The following SLC17A1 variants were observed in gnomAD, a reference collection of about 807,000 sequenced individuals.
SLC17A1 encodes the protein solute carrier family 17 member 1.
SLC17A1 carries 51 observed loss-of-function variants against 53.5 expected under a neutral mutation model. The observed-to-expected ratio is 0.95, with a 90% CI of 0.76 to 1.20. The LOEUF (loss-of-function observed/expected upper bound fraction) is 1.20, where lower values mean the gene tolerates loss of function less well. Among genes scored for constraint, SLC17A1 ranks in the 50% most tolerant of loss-of-function variants. The pLI, the probability that SLC17A1 is intolerant of heterozygous loss-of-function variation, is 0.00. For missense variants in SLC17A1, 538 were observed against 568.2 expected, an observed-to-expected ratio of 0.95 and a Z score of 0.54; for synonymous variants, 179 against 198.8, an observed-to-expected ratio of 0.90 and a Z score of 0.84.
rs145050779 is a variant in SLC17A1, at chr6:25,813,560, GTTGTT to G, written c.617-352_617-348del. 6.8e-3 allele frequency among the ~76,000 whole-genome samples: 1,032 copies of G among 152,262 alleles called. 10 individuals are homozygous for G. The highest frequency in any genetic ancestry group is 0.012 in the Non-Finnish European group (808 of 68,018). On this transcript the variant is annotated intron_variant, in intron 6 of 12. Transcript: ENST00000244527. ...CTGCACAGGGCTTGACAATTGCCCA[GTTGTT>G]TTGTTTTGTTTTGTTTTTAATGTTT...
intron 10 of SLC17A1, among the ~76,000 whole-genome samples, chr6:25,801,579 G>A (rs145935309): frequency 6.6e-6 from 1 of 152,328 alleles, no homozygotes; most frequent in East Asian, 1.9e-4. Context: ...CAGAATCAGT[G>A]TCTAATCAAG....
At chr6:25,770,946 A>G in the SLC17A1 span, 9 of 1,613,824 alleles carry the variant, frequency 5.6e-6, no homozygotes, top group Middle Eastern at 3.3e-4. Flanking sequence ...GGGGTCCTTC[A>G]TTGTTCTACT....
At chr6:25,730,882 T>C in the SLC17A1 span, among the ~76,000 whole-genome samples, 41 of 152,262 alleles carry the variant, frequency 2.7e-4, no homozygotes, top group South Asian at 7.3e-3. Flanking sequence ...GCGGTGGAGA[T>C]GGTGTATAAT....
intron 6 of SLC17A1, among the ~76,000 whole-genome samples, chr6:25,816,939 C>A (rs898406987): frequency 1.3e-5 from 2 of 151,514 alleles, no homozygotes; most frequent in Admixed American, 1.3e-4. Flanking sequence ...ACTCTGCCTC[C>A]CGGATTCAAG....
At chr6:25,826,062 G>C (rs1484032084) in intron 3 of SLC17A1, among the ~76,000 whole-genome samples, 1 of 151,952 alleles carries the variant, frequency 6.6e-6, no homozygotes, top group Non-Finnish European at 1.5e-5. Context: ...TCTTCTGGTA[G>C]ATAACAACTG....
At chr6:25,770,043 A>T in the SLC17A1 span, 14 of 1,603,598 alleles carry the variant, frequency 8.7e-6, no homozygotes, top group Middle Eastern at 1.7e-4. Flanking sequence ...CTAAAGACAA[A>T]CAGTAACTCT....
the SLC17A1 span, chr6:25,732,137 G>A: frequency 3.6e-6 from 2 of 554,004 alleles, no homozygotes; most frequent in East Asian, 4.5e-5. Context: ...GGAAATGGTA[G>A]TGCCCTTTGA....
chr6:25,828,099 T>C (rs1295494680), intron 2 of SLC17A1, among the ~76,000 whole-genome samples: 1 of 152,154 alleles, frequency 6.6e-6, no homozygotes, highest in Non-Finnish European at 1.5e-5. Context: ...CCTAACACTT[T>C]TACCACGTAA....
downstream of SLC17A1, chr6:25,782,772 G>C (rs1763293490): frequency 6.6e-6 from 1 of 152,128 alleles, no homozygotes; most frequent in Admixed American, 6.6e-5. Context: ...ACCAGCGAGG[G>C]AGCTGACTTG....
chr6:25,741,319 C>T, the SLC17A1 span, among the ~76,000 whole-genome samples: 25 of 150,550 alleles, frequency 1.7e-4, no homozygotes, highest in Admixed American at 1.1e-3. Context: ...CCTGTAATCC[C>T]AGCACTTTGG....
At chr6:25,825,640 A>G (rs1048586998) in intron 3 of SLC17A1, among the ~76,000 whole-genome samples, 1 of 151,512 alleles carries the variant, frequency 6.6e-6, no homozygotes, top group African/African-American at 2.4e-5. Flanking sequence ...TGTTTTTGCT[A>G]TTTATCTTGT....
chr6:25,739,887 CA>C, the SLC17A1 span, among the ~76,000 whole-genome samples: 1 of 151,276 alleles, frequency 6.6e-6, no homozygotes. Flanking sequence ...GATGGTTACA[CA>C]AATCTACACA....
chr6:25,759,776 GT>G, the SLC17A1 span, among the ~76,000 whole-genome samples: 1 of 150,450 alleles, frequency 6.6e-6, no homozygotes, highest in Non-Finnish European at 1.5e-5. Flanking sequence ...TAGATGTTAG[GT>G]GAATCTCTTG....
chr6:25,807,584 A>G (rs7770008), intron 10 of SLC17A1, among the ~76,000 whole-genome samples: 6,901 of 151,956 alleles, frequency 0.045, 448 homozygotes, highest in African/African-American at 0.14. Context: ...ATTGCACCCA[A>G]TGTGTAGTAT....
At chr6:25,766,862 C>T in the SLC17A1 span, among the ~76,000 whole-genome samples, 302 of 152,204 alleles carry the variant, frequency 2.0e-3, 1 homozygote, top group African/African-American at 6.8e-3. Context: ...CAAAGAAGAG[C>T]CCAAGGAGAC....
At chr6:25,735,835 T>A in the SLC17A1 span, among the ~76,000 whole-genome samples, 1 of 152,186 alleles carries the variant, frequency 6.6e-6, no homozygotes, top group Non-Finnish European at 1.5e-5. Context: ...CAGTCCACTC[T>A]GCACTCAGGT....
intron 12 of SLC17A1, among the ~76,000 whole-genome samples, chr6:25,790,048 C>A (rs555225619): frequency 6.6e-6 from 1 of 152,030 alleles, no homozygotes; most frequent in African/African-American, 2.4e-5. Context: ...AAAAAAAGCT[C>A]TTTGTACTAC....
chr6:25,805,004 T>C (rs2151485268), intron 10 of SLC17A1, among the ~76,000 whole-genome samples: 1 of 152,042 alleles, frequency 6.6e-6, no homozygotes, highest in African/African-American at 2.4e-5. Context: ...AAAGAAACAA[T>C]AAACTTAAAC....
chr6:25,729,705 T>C, the SLC17A1 span, among the ~76,000 whole-genome samples: 1 of 152,008 alleles, frequency 6.6e-6, no homozygotes. Flanking sequence ...ATTTTTTAAC[T>C]TTTTTTGTTA....
Sources: gnomAD v4.1 joint callset for allele counts (sites outside exome capture counted in the v4.1 genomes callset) on GRCh38, gnomAD v4.1.1 for gene constraint, MANE v1.5 for transcripts, NCBI Gene and HGNC (gene_info 2026-07-23, HGNC 2026-07-21) for gene names.